The following WDFY2 variants were observed in gnomAD, a reference collection of about 807,000 sequenced individuals.
WDFY2 encodes WD repeat and FYVE domain containing 2.
In WDFY2, 36 loss-of-function variants were observed where a neutral mutation model predicts 56.4. The ratio of observed to expected loss-of-function variants is 0.64; its 90% CI spans 0.49 to 0.84. WDFY2 has a LOEUF of 0.84. Ranked by LOEUF, WDFY2 falls within the 40% of genes least tolerant of loss-of-function variation. WDFY2 has a pLI of 0.00. For synonymous variants in WDFY2, 176 were observed against 183.7 expected (o/e 0.96, Z 0.34); for missense variants, 444 against 512.2 (o/e 0.87, Z 1.29).
At chr13:51,703,537 A>G (rs1952026429) in intron 3 of WDFY2, 59 bp from the exon 4 acceptor site, 1 of 1,309,616 alleles carries the variant, frequency 7.6e-7, no homozygotes, top group Non-Finnish European at 1.1e-6. Flanking sequence ...GGTTTTACCA[A>G]ATATAGTCAT....
chr13:51,736,469 C>T (rs1487067929), intron 6 of WDFY2, among the ~76,000 whole-genome samples: 2 of 152,142 alleles, frequency 1.3e-5, no homozygotes, highest in African/African-American at 4.8e-5. Flanking sequence ...AGGCAGAGAG[C>T]TGGCTCCTCA....
chr13:51,740,159 T>G (rs1039996507), intron 7 of WDFY2, among the ~76,000 whole-genome samples: 3 of 152,210 alleles, frequency 2.0e-5, no homozygotes, highest in Non-Finnish European at 4.4e-5. Flanking sequence ...GGACATAAAC[T>G]AATTAAATTT....
chr13:51,710,518 T>C (rs1952188344), intron 4 of WDFY2, among the ~76,000 whole-genome samples: 1 of 152,178 alleles, frequency 6.6e-6, no homozygotes, highest in Admixed American at 6.5e-5. Flanking sequence ...GCGGATGACA[T>C]GATTGTGTAT....
At position 51,764,035 on chromosome 13, in the gene WDFY2, T is replaced by C. The variant is rs544968490; in HGVS notation, c.*4266T>C. On this transcript the variant is annotated 3_prime_UTR_variant, in exon 12 of 12. Transcript: ENST00000298125. The stretch of plus-strand genomic sequence containing the variant: ...GCATTTTACCAATACATTCTTATTT[T>C]TTCTCCTTTAAAATAATATTGAATT... 1 of 152,362 alleles carries C rather than the reference T, an allele frequency of 6.6e-6. No homozygotes were observed. Among genetic ancestry groups the C allele is most frequent in the East Asian group, 1.9e-4 (1 of 5,196 alleles). The allele number at this position is 152,362 out of a possible 1,614,324, so 9.4% of individuals were successfully genotyped here.
intron 4 of WDFY2, among the ~76,000 whole-genome samples, chr13:51,718,859 A>T (rs1952424902): frequency 6.6e-6 from 1 of 152,228 alleles, no homozygotes; most frequent in Non-Finnish European, 1.5e-5. Flanking sequence ...TCTCCAGTCC[A>T]GCAGCCCTAG....
chr13:51,698,546 C>T (rs530556613), intron 3 of WDFY2, among the ~76,000 whole-genome samples: 25 of 152,224 alleles, frequency 1.6e-4, no homozygotes, highest in African/African-American at 6.0e-4. Context: ...GGTAAGTCAA[C>T]AACAAATACG....
rs1953794006 is a variant in WDFY2, at chr13:51,767,686, C to T, written c.*7917C>T. 1 of 151,616 alleles carries T rather than the reference C, an allele frequency of 6.6e-6. No homozygotes were observed. Among genetic ancestry groups the T allele is most frequent in the African/African-American group, 2.5e-5 (1 of 40,076 alleles). The allele number at this position is 151,616 out of a possible 1,614,324, so 9.4% of individuals were successfully genotyped here. The stretch of plus-strand genomic sequence containing the variant: ...TCTTAAGCAAATGTAAACTAGGCCT[C>T]ATTAAATTGTTTGTGTAAATATGCA... On this transcript the variant is annotated 3_prime_UTR_variant, in exon 12 of 12. Transcript: ENST00000298125.
intron 3 of WDFY2, among the ~76,000 whole-genome samples, chr13:51,695,048 C>T (rs1951836155): frequency 6.6e-6 from 1 of 152,170 alleles, no homozygotes; most frequent in African/African-American, 2.4e-5. Flanking sequence ...CCTTTAAGCA[C>T]TTCTCTATAT....
At chr13:51,654,976 G>T (rs898973601) in intron 1 of WDFY2, among the ~76,000 whole-genome samples, 2 of 152,128 alleles carry the variant, frequency 1.3e-5, no homozygotes, top group African/African-American at 4.8e-5. Flanking sequence ...TATATGTAAA[G>T]TGTTTTGGGG....
In WDFY2 at chr13:51,739,173, C is replaced by G. The variant is rs1405478170; in HGVS notation, c.723C>G (p.His241Gln). 6.3e-7 allele frequency: 1 copy of G among 1,582,610 alleles called. No homozygotes were observed. The highest frequency in any genetic ancestry group is 2.3e-5 in the East Asian group (1 of 43,126). ...RKGTAIELQG[H>Q]NDRVQALSYA... is the part of the protein sequence containing the mutation. ...GAACAGCCATCGAGCTCCAAGGACA[C>G]AAGTAAGGTTGCTGGTGCTTTCATA... The change falls in exon 7 of 12, where the codon CAC becomes CAG. Residue 241 changes from histidine to glutamine, a missense_variant and splice_region_variant. His to Gln is a conservative substitution (Grantham distance 24). Transcript: ENST00000298125.
intron 3 of WDFY2, among the ~76,000 whole-genome samples, chr13:51,697,507 C>T (rs1951900612): frequency 6.6e-6 from 1 of 151,842 alleles, no homozygotes. Flanking sequence ...GTGGCTTGTG[C>T]CTGTAGTCCC....
intron 1 of WDFY2, among the ~76,000 whole-genome samples, chr13:51,603,990 G>T (rs1463380511): frequency 6.6e-6 from 1 of 152,102 alleles, no homozygotes; most frequent in Admixed American, 6.5e-5. Flanking sequence ...CAGCTTCTTG[G>T]CATTAGCTGA....
At chr13:51,646,245 T>G (rs1307132911) in intron 1 of WDFY2, among the ~76,000 whole-genome samples, 1 of 152,248 alleles carries the variant, frequency 6.6e-6, no homozygotes, top group Non-Finnish European at 1.5e-5. Context: ...TTGTCCAGGC[T>G]GGATTCTCAC....
chr13:51,751,330 C>T lies in WDFY2; in HGVS notation c.746C>T (p.Ser249Phe). The change falls in exon 8 of 12, where the codon TCC (serine) becomes TTC (phenylalanine). Residue 249 changes from serine to phenylalanine, a missense_variant. Physicochemically the swap from Ser to Phe is radical, Grantham distance 155 (BLOSUM62 -2). Transcript: ENST00000298125. ...QGHNDRVQAL[S>F]YAQHTRQLIS... The stretch of plus-strand genomic sequence containing the variant: ...CACAGCGACAGAGTCCAGGCCCTCT[C>T]CTATGCACAGCACACGCGACAATTG... 6.2e-7 allele frequency: 1 copy of T among 1,613,964 alleles called. No homozygotes were observed. Among genetic ancestry groups the T allele is most frequent in the Admixed American group, 1.7e-5 (1 of 60,018 alleles).
At chr13:51,684,252 A>G (rs1956023404) in intron 3 of WDFY2, among the ~76,000 whole-genome samples, 1 of 152,124 alleles carries the variant, frequency 6.6e-6, no homozygotes, top group South Asian at 2.1e-4. Flanking sequence ...ATTGGAGAGA[A>G]GTCAAAACAT....
chr13:51,710,248 TA>T (rs1474850705), intron 4 of WDFY2, among the ~76,000 whole-genome samples: 1 of 152,096 alleles, frequency 6.6e-6, no homozygotes, highest in Non-Finnish European at 1.5e-5. Flanking sequence ...CCCTTCATGC[TA>T]AAAACTCTCA....
chr13:51,628,662 C>T (rs139797164), intron 1 of WDFY2, among the ~76,000 whole-genome samples: 12 of 152,312 alleles, frequency 7.9e-5, no homozygotes, highest in Non-Finnish European at 1.5e-4. Flanking sequence ...CAGATGGCCA[C>T]GGCTGCCATC....
At chr13:51,695,123 T>C (rs1357061452) in intron 3 of WDFY2, among the ~76,000 whole-genome samples, 1 of 152,238 alleles carries the variant, frequency 6.6e-6, no homozygotes, top group Non-Finnish European at 1.5e-5. Flanking sequence ...TGCCTTTGGC[T>C]TGAATTTCCT....
intron 5 of WDFY2, among the ~76,000 whole-genome samples, chr13:51,727,352 G>T (rs1190026527): frequency 6.6e-6 from 1 of 152,078 alleles, no homozygotes; most frequent in African/African-American, 2.4e-5. Context: ...CTTATTTTCA[G>T]AGTATTCTTG....
Sources: allele counts gnomAD v4.1 joint callset (sites outside exome capture counted in the v4.1 genomes callset), GRCh38; gene constraint gnomAD v4.1.1; transcripts MANE v1.5; gene names NCBI Gene and HGNC (gene_info 2026-07-23, HGNC 2026-07-21).